RELN: variants seen among roughly 807,000 people sequenced by gnomAD.
RELN encodes reelin.
RELN carries 108 observed loss-of-function variants against 427.6 expected under a neutral mutation model. That is an observed-to-expected ratio of 0.25 (90% CI 0.22 to 0.30). The LOEUF is 0.30. Ranked by LOEUF, RELN falls within the 10% of genes least tolerant of loss-of-function variation. The pLI, the probability that RELN is intolerant of heterozygous loss-of-function variation, is 1.00. For missense variants in RELN, 3,715 were observed against 4,302.8 expected (o/e 0.86, Z 3.82); for synonymous variants, 1,524 against 1,513.4 (o/e 1.01, Z -0.16).
At chr7:103,902,232 T>C in intron 2 of RELN, among the ~76,000 whole-genome samples, 1 of 152,014 alleles carries the variant, frequency 6.6e-6, no homozygotes, top group East Asian at 1.9e-4. Flanking sequence ...CCAGTTAAGT[T>C]CTTCTCTTAT....
intron 55 of RELN, among the ~76,000 whole-genome samples, chr7:103,497,415 TCA>T (rs2117023325): frequency 6.6e-6 from 1 of 152,306 alleles, no homozygotes; most frequent in Non-Finnish European, 1.5e-5. Flanking sequence ...GACTTTTTTT[TCA>T]CAATTTTAGA....
chr7:103,838,866 C>T (rs1189284715), intron 2 of RELN, among the ~76,000 whole-genome samples: 3 of 152,338 alleles, frequency 2.0e-5, no homozygotes, highest in Middle Eastern at 6.8e-3. Flanking sequence ...TAACGTCCTA[C>T]CTTGGGTGAA....
chr7:103,697,738 C>A, intron 10 of RELN, 115 bp downstream of exon 10: 2 of 1,437,386 alleles, frequency 1.4e-6, no homozygotes, highest in Non-Finnish European at 1.9e-6. Context: ...TTATCTGGTC[C>A]TTTAATAGTG....
chr7:103,498,032 A>G lies in RELN; in HGVS notation c.8843+45T>C, dbSNP rs370821948. ...ACAAGTGTTCCTTGCTTTGGGACCAATTTGCTATGGTGCAATAGAAATAAC... is the reference window on the plus strand; with the variant it reads ...ACAAGTGTTCCTTGCTTTGGGACCAGTTTGCTATGGTGCAATAGAAATAAC... On this transcript the variant is annotated intron_variant, in intron 54 of 64. Coordinates refer to ENST00000428762, the MANE Select transcript of RELN (RefSeq NM_005045.4). The G allele has an allele frequency of 1.5e-5, 24 of 1,607,402 alleles. No individual in the cohort carries two copies. In the African/African-American group the frequency reaches 1.9e-4, roughly 13 times the overall value.
chr7:103,793,615 A>C (rs942800071), intron 3 of RELN, among the ~76,000 whole-genome samples: 3 of 152,236 alleles, frequency 2.0e-5, no homozygotes, highest in Non-Finnish European at 4.4e-5. Context: ...AAGTTCCAGC[A>C]CAAGTCTAAT....
In RELN at chr7:103,486,148, G is replaced by A. The variant is rs774777262; in HGVS notation, c.9983+49C>T. On this transcript the variant is annotated intron_variant, in intron 61 of 64. Coordinates refer to ENST00000428762, the MANE Select transcript of RELN (RefSeq NM_005045.4). Reference sequence around the variant, plus strand: ...TCTAACAGACAATGGACAATCACTGGGCTTGTGACTAATTCTATGTCTGGA... The same window carrying A: ...TCTAACAGACAATGGACAATCACTGAGCTTGTGACTAATTCTATGTCTGGA... The A allele has an allele frequency of 2.6e-6, 4 of 1,537,196 alleles. No homozygotes were observed. The South Asian group carries it at 4.5e-5, about 17-fold the overall frequency.
chr7:103,722,565 C>G (rs1305754526), intron 8 of RELN, among the ~76,000 whole-genome samples: 3 of 152,168 alleles, frequency 2.0e-5, no homozygotes, highest in Admixed American at 6.6e-5. Context: ...GACAGCAGAA[C>G]TGCAAACACC....
intron 2 of RELN, among the ~76,000 whole-genome samples, chr7:103,834,896 T>G (rs1048279483): frequency 1.3e-5 from 2 of 152,202 alleles, no homozygotes; most frequent in Admixed American, 6.5e-5. Flanking sequence ...TTGGCAGTAT[T>G]TTTACAAAAC....
chr7:103,736,582 G>A (rs141419884), intron 6 of RELN, among the ~76,000 whole-genome samples: 64 of 152,138 alleles, frequency 4.2e-4, no homozygotes, highest in Middle Eastern at 3.4e-3. Flanking sequence ...ATTCGATCTC[G>A]TCTTCATTAA....
chr7:103,707,527 T>C (rs1246937501), intron 8 of RELN, among the ~76,000 whole-genome samples: 1 of 149,874 alleles, frequency 6.7e-6, no homozygotes, highest in Non-Finnish European at 1.5e-5. Context: ...TGAGATGGAG[T>C]CTCGCTCTGT....
intron 1 of RELN, among the ~76,000 whole-genome samples, chr7:103,962,466 C>T (rs1223375029): frequency 6.6e-6 from 1 of 152,078 alleles, no homozygotes; most frequent in Non-Finnish European, 1.5e-5. Flanking sequence ...GAGTGAGGCG[C>T]CTCCACCGAC....
intron 6 of RELN, among the ~76,000 whole-genome samples, chr7:103,734,899 T>G (rs926515875): frequency 3.9e-5 from 6 of 152,202 alleles, no homozygotes; most frequent in African/African-American, 1.4e-4. Context: ...TTTTTGTTTT[T>G]CTGATAAAAA....
At chr7:103,909,744 A>T (rs13241436) in intron 2 of RELN, among the ~76,000 whole-genome samples, 2 of 76,646 alleles carry the variant, frequency 2.6e-5, no homozygotes, top group East Asian at 3.7e-4. Flanking sequence ...AATATATATA[A>T]ATATATATAT....
At chr7:103,625,928 T>G (rs561860910) in intron 20 of RELN, among the ~76,000 whole-genome samples, 1 of 152,148 alleles carries the variant, frequency 6.6e-6, no homozygotes, top group Admixed American at 6.5e-5. Flanking sequence ...TAGTTCATTA[T>G]TAGGGGCTGG....
chr7:103,546,385 G>A (rs1167589817), intron 41 of RELN, among the ~76,000 whole-genome samples: 1 of 152,098 alleles, frequency 6.6e-6, no homozygotes, highest in East Asian at 1.9e-4. Flanking sequence ...TACTAGCTTT[G>A]TTTACCCATT....
intron 45 of RELN, 67 bp downstream of exon 45, chr7:103,539,011 T>A: frequency 1.9e-6 from 3 of 1,585,436 alleles, no homozygotes; most frequent in African/African-American, 2.7e-5. Flanking sequence ...AGTAGTCCTA[T>A]GACAGAGGCA....
intron 6 of RELN, among the ~76,000 whole-genome samples, chr7:103,735,650 G>A (rs1396165624): frequency 1.3e-5 from 2 of 152,112 alleles, no homozygotes; most frequent in African/African-American, 2.4e-5. Flanking sequence ...ATTCTTTTTA[G>A]ATCACAGTGA....
Position 103,575,637 on chromosome 7 carries a change from C to CCAT in RELN, c.4211_4213dup (p.Asp1404dup). 6.2e-7 allele frequency: 1 copy of CCAT among 1,614,168 alleles called. No individual in the cohort carries two copies. The highest frequency in any genetic ancestry group is 8.5e-7 in the Non-Finnish European group (1 of 1,180,000). On this transcript the variant is annotated inframe_insertion, in exon 29 of 65. Coordinates refer to ENST00000428762, the MANE Select transcript of RELN (RefSeq NM_005045.4). Reference sequence around the variant, plus strand: ...GGGACAAGGCTCGGATATGTACACTCCATCTAAACCAAATGGAGGCACGTT... The same window carrying CCAT: ...GGGACAAGGCTCGGATATGTACACTCCATCATCTAAACCAAATGGAGGCACGTT...
chr7:103,482,730 A>G (rs1031522791), intron 63 of RELN, 143 bp downstream of exon 63: 18 of 1,525,184 alleles, frequency 1.2e-5, no homozygotes, highest in Non-Finnish European at 1.6e-5. Context: ...TATAGCTTGC[A>G]GTTGCAAAAG....
Sources: gnomAD v4.1 joint callset for allele counts (sites outside exome capture counted in the v4.1 genomes callset) on GRCh38, gnomAD v4.1.1 for gene constraint, MANE v1.5 for transcripts, NCBI Gene and HGNC (gene_info 2026-07-23, HGNC 2026-07-21) for gene names.